Variants in MSH6 observed in about 807,000 individuals in gnomAD.
The protein encoded by MSH6 is DNA mismatch repair protein Msh6.
In MSH6, 85 loss-of-function variants were observed where a neutral mutation model predicts 119.1. That is an observed-to-expected ratio of 0.71 (90% confidence interval 0.60 to 0.85). The LOEUF is 0.85. Ranked by LOEUF, MSH6 falls within the 40% of genes least tolerant of loss-of-function variation. The probability of loss-of-function intolerance (pLI) is 0.00; values close to 1 mark genes in which losing one functional copy is unlikely to be tolerated. For missense variants in MSH6, 2,163 were observed against 1,655.3 expected, an observed-to-expected ratio of 1.31 and a Z score of -5.32; for synonymous variants, 830 against 586.9, an observed-to-expected ratio of 1.41 and a Z score of -5.99.
intron 1 of MSH6, chr2:47,789,584 G>A (rs930366147): frequency 6.3e-6 from 2 of 316,934 alleles, no homozygotes; most frequent in Non-Finnish European, 1.3e-5. Context: ...AAGTTCTAAG[G>A]TAACAGCCCT....
At chr2:47,807,596 T>C (rs940930939), downstream of MSH6, 6 of 218,408 alleles carry the variant, frequency 2.7e-5, no homozygotes, top group Admixed American at 1.1e-4. Context: ...CAGTAAGATT[T>C]TGCTTGAAAT....
intron 1 of MSH6, among the ~76,000 whole-genome samples, chr2:47,785,166 C>G (rs890002925): frequency 6.6e-6 from 1 of 151,546 alleles, no homozygotes; most frequent in African/African-American, 2.4e-5. Flanking sequence ...GCTATTTGAA[C>G]AAACGAAGAA....
At chr2:47,793,283 C>T (rs1020377029) in intron 2 of MSH6, among the ~76,000 whole-genome samples, 21 of 135,660 alleles carry the variant, frequency 1.5e-4, no homozygotes, top group Non-Finnish European at 7.7e-5. Flanking sequence ...ATCATGCCAC[C>T]GCACTCCAAC....
At chr2:47,788,255 T>A (rs1045114419) in intron 1 of MSH6, among the ~76,000 whole-genome samples, 1 of 90,398 alleles carries the variant, frequency 1.1e-5, no homozygotes, top group African/African-American at 4.6e-5. Context: ...TCTTTTTTTT[T>A]TTTTTTTTTT....
intron 2 of MSH6, among the ~76,000 whole-genome samples, chr2:47,794,639 G>C (rs2104200242): frequency 6.6e-6 from 1 of 152,106 alleles, no homozygotes; most frequent in East Asian, 1.9e-4. Flanking sequence ...GTCTGAACTG[G>C]GCTGCCCTTT....
At chr2:47,792,718 G>T (rs905664751) in intron 2 of MSH6, among the ~76,000 whole-genome samples, 23 of 152,054 alleles carry the variant, frequency 1.5e-4, no homozygotes, top group Non-Finnish European at 2.8e-4. Context: ...CCAGCCTGGA[G>T]TATAGTGTTG....
rs754948438 is a variant in MSH6, at chr2:47,800,736, A to G, written c.2753A>G (p.His918Arg). The change falls in exon 4 of 10, where the codon CAT becomes CGT. Residue 918 changes from histidine (H) to arginine (R), a missense_variant. Transcript: ENST00000234420. ...ELNRWDTAFD[H>R]EKARKTGLIT... ...AACCGATGGGATACAGCCTTTGACC[A>G]TGAAAAGGCTCGAAAGACTGGACTT... is the stretch of plus-strand genomic sequence containing the variant. 3 of 1,614,202 alleles carry G rather than the reference A, an allele frequency of 1.9e-6. No homozygotes were observed. The highest frequency in any genetic ancestry group is 2.2e-5 in the East Asian group (1 of 44,886).
Position 47,798,983 on chromosome 2 carries a change from A to G in MSH6, c.1000A>G (p.Lys334Glu). The part of the protein sequence containing the change: ...KQATSISSET[K>E]NTLRAFSAPQ... Reference sequence around the variant, plus strand: ...AGCAACTAGCATTTCATCAGAAACCAAGAATACTTTGAGAGCTTTCTCTGC... The same window carrying G: ...AGCAACTAGCATTTCATCAGAAACCGAGAATACTTTGAGAGCTTTCTCTGC... Residue 334 changes from lysine (K) to glutamate (E), a missense_variant, in exon 4 of 10, where the codon AAG (lysine) becomes GAG (glutamate). Transcript: ENST00000234420. 6.2e-7 allele frequency: 1 copy of G among 1,614,242 alleles called. No homozygotes were observed. The highest frequency in any genetic ancestry group is 8.5e-7 in the Non-Finnish European group (1 of 1,180,040).
At chr2:47,788,907 C>CTTTTTTTTTTTTTTT (rs1558650117) in intron 1 of MSH6, among the ~76,000 whole-genome samples, 6 of 17,278 alleles carry the variant, frequency 3.5e-4, no homozygotes, top group African/African-American at 5.3e-4. Flanking sequence ...TTTCTTCTTC[C>CTTTTTTTTTTTTTTT]TTTTTTTTTT....
rs1382008214 is a variant in MSH6 at position 47,790,907 on chromosome 2, G to A, written c.261-20G>A. ...CTTGACCAAATATTAACTAAGTTATGTATTTCCTTTTGGCAACAGTTGTGA... is the reference window on the plus strand; with the variant it reads ...CTTGACCAAATATTAACTAAGTTATATATTTCCTTTTGGCAACAGTTGTGA... On this transcript the variant is annotated intron_variant, in intron 1 of 9. Coordinates refer to ENST00000234420, the MANE Select transcript of MSH6 (RefSeq NM_000179.3). The A allele has an allele frequency of 6.2e-7, 1 of 1,611,906 alleles. No individual in the cohort carries two copies. The highest frequency in any genetic ancestry group is 1.1e-5 in the South Asian group (1 of 91,040).
At chr2:47,807,290 A>ACAT (rs917036068), downstream of MSH6, 15 of 218,936 alleles carry the variant, frequency 6.9e-5, no homozygotes, top group African/African-American at 3.2e-4. Flanking sequence ...TGTACTTAAA[A>ACAT]CATAGTAGTT....
chr2:47,807,533 A>T, downstream of MSH6: 2 of 212,002 alleles, frequency 9.4e-6, no homozygotes, highest in African/African-American at 2.3e-5. Context: ...CTGGGACATG[A>T]GTACAGTTAC....
downstream of MSH6, chr2:47,808,393 T>C (rs373629400): frequency 1.1e-5 from 18 of 1,608,128 alleles, no homozygotes; most frequent in East Asian, 4.5e-5. Context: ...TTCACACATA[T>C]GGCATTTCGA....
intron 3 of MSH6, among the ~76,000 whole-genome samples, chr2:47,796,299 A>G (rs1339095455): frequency 6.6e-6 from 1 of 152,216 alleles, no homozygotes; most frequent in Non-Finnish European, 1.5e-5. Flanking sequence ...CAGGGTAAGC[A>G]AGAGGTAGTA....
downstream of MSH6, chr2:47,807,411 G>C: frequency 4.8e-6 from 1 of 206,494 alleles, no homozygotes; most frequent in Non-Finnish European, 9.9e-6. Flanking sequence ...TTTGAATGCT[G>C]CACAGGGAAG....
At chr2:47,785,433 T>C (rs767044288) in intron 1 of MSH6, among the ~76,000 whole-genome samples, 4 of 151,790 alleles carry the variant, frequency 2.6e-5, no homozygotes, top group Non-Finnish European at 5.9e-5. Flanking sequence ...GCCAGGCTGG[T>C]CTTGAAACTG....
Position 47,797,057 on chromosome 2 carries a change from C to T in MSH6, c.627+994C>T, listed in dbSNP as rs115769466. 8.5e-3 allele frequency among the ~76,000 whole-genome samples: 1,290 copies of T among 152,254 alleles called. 5 individuals are homozygous for T. Among genetic ancestry groups the T allele is most frequent in the Non-Finnish European group, 0.013 (897 of 68,020 alleles). On this transcript the variant is annotated intron_variant, in intron 3 of 9. Coordinates refer to ENST00000234420, the MANE Select transcript of MSH6 (RefSeq NM_000179.3). ...TTGTCCAGTCTGTGGCCCAGGATGG[C>T]GTTTAAATCAGCCCAACACAAATTT...
At chr2:47,796,470 G>A (rs988763590) in intron 3 of MSH6, among the ~76,000 whole-genome samples, 3 of 152,276 alleles carry the variant, frequency 2.0e-5, no homozygotes, top group African/African-American at 7.2e-5. Context: ...TCAAACTCCT[G>A]AGTTCAAGGG....
intron 5 of MSH6, 22 bp downstream of exon 5, chr2:47,803,707 G>C: frequency 6.2e-7 from 1 of 1,613,976 alleles, no homozygotes; most frequent in Non-Finnish European, 8.5e-7. Flanking sequence ...TTAAAGTTTT[G>C]TTATCAGAAA....
Sources: allele counts gnomAD v4.1 joint callset (sites outside exome capture counted in the v4.1 genomes callset), GRCh38; gene constraint gnomAD v4.1.1; transcripts MANE v1.5; gene names NCBI Gene and HGNC (gene_info 2026-07-23, HGNC 2026-07-21).